The following PRKDC variants were observed in gnomAD, a reference collection of about 807,000 sequenced individuals.
The protein encoded by PRKDC is DNA-dependent protein kinase catalytic subunit.
A neutral mutation model predicts 486.9 loss-of-function variants in PRKDC; 82 were observed. The ratio of observed to expected loss-of-function variants is 0.17; its 90% CI spans 0.14 to 0.20. The LOEUF (loss-of-function observed/expected upper bound fraction) is 0.20, where lower values mean the gene tolerates loss of function less well. Ranked by LOEUF, PRKDC falls within the 10% of genes least tolerant of loss-of-function variation. The pLI, the probability that PRKDC is intolerant of heterozygous loss-of-function variation, is 1.00. For synonymous variants in PRKDC, 1,895 were observed against 1,837.0 expected, an observed-to-expected ratio of 1.03 and a Z score of -0.81; for missense variants, 4,504 against 5,038.2, an observed-to-expected ratio of 0.89 and a Z score of 3.21.
chr8:47,797,447 G>A (rs140295528), intron 73 of PRKDC, among the ~76,000 whole-genome samples: 1 of 152,110 alleles, frequency 6.6e-6, no homozygotes, highest in Admixed American at 6.6e-5. Flanking sequence ...AGTGGTTAGG[G>A]CCCTAAAAGT....
At chr8:47,835,021 T>C (rs2154499646) in intron 58 of PRKDC, among the ~76,000 whole-genome samples, 2 of 152,252 alleles carry the variant, frequency 1.3e-5, no homozygotes, top group Non-Finnish European at 2.9e-5. Flanking sequence ...TCACAGAATT[T>C]CAATTGTGAT....
At chr8:47,910,705 CAG>C (rs1243897570) in intron 25 of PRKDC, among the ~76,000 whole-genome samples, 2 of 152,090 alleles carry the variant, frequency 1.3e-5, no homozygotes, top group African/African-American at 2.4e-5. Flanking sequence ...GGAATTACAC[CAG>C]AGTTATCAAT....
intron 69 of PRKDC, 111 bp from the exon 70 acceptor site, chr8:47,803,591 G>A (rs1030996125): frequency 2.2e-6 from 2 of 916,064 alleles, no homozygotes; most frequent in South Asian, 1.5e-5. Context: ...TTAGAGTAGC[G>A]AATCCATTTC....
chr8:47,913,836 C>T, intron 24 of PRKDC, 65 bp downstream of exon 24: 1 of 1,416,428 alleles, frequency 7.1e-7, no homozygotes, highest in Non-Finnish European at 9.4e-7. Flanking sequence ...TCTCTATATC[C>T]TAAGCAATAT....
At chr8:47,904,822 A>T in intron 26 of PRKDC, 47 bp downstream of exon 26, 1 of 1,334,336 alleles carries the variant, frequency 7.5e-7, no homozygotes, top group Non-Finnish European at 1.1e-6. Flanking sequence ...AACATCAAAT[A>T]CAACTAATCG....
chr8:47,885,796 G>T, intron 36 of PRKDC, 148 bp downstream of exon 36: 1 of 720,200 alleles, frequency 1.4e-6, no homozygotes, highest in Non-Finnish European at 2.2e-6. Context: ...GGAGGCTGAG[G>T]CAGGAGAATC....
chr8:47,818,892 G>A (rs555585099), intron 67 of PRKDC, among the ~76,000 whole-genome samples: 1 of 152,248 alleles, frequency 6.6e-6, no homozygotes, highest in Non-Finnish European at 1.5e-5. Flanking sequence ...GCCTCCCATA[G>A]GCACTGGGAT....
intron 21 of PRKDC, among the ~76,000 whole-genome samples, chr8:47,925,135 T>C (rs1411040374): frequency 6.6e-6 from 1 of 152,076 alleles, no homozygotes; most frequent in Non-Finnish European, 1.5e-5. Context: ...GCATCTACCT[T>C]CCTCTGTACC....
chr8:47,920,556 T>C (rs1287378519), intron 21 of PRKDC, among the ~76,000 whole-genome samples: 1 of 152,230 alleles, frequency 6.6e-6, no homozygotes, highest in Non-Finnish European at 1.5e-5. Flanking sequence ...GAACTAACAG[T>C]GTTTTAAATG....
In PRKDC at chr8:47,889,068, G is replaced by A. The variant is rs376814572; in HGVS notation, c.4226C>T (p.Ser1409Phe). The change falls in exon 33 of 86, where the codon TCC becomes TTC. Residue 1409 changes from serine to phenylalanine, a missense_variant. Ser to Phe is a radical substitution (Grantham distance 155, BLOSUM62 -2). Around this residue, in one of 6 missense-constraint regions of PRKDC, gnomAD observed 1,969 missense variants for 2,068.9 expected, o/e 0.95. Coordinates refer to ENST00000314191, the MANE Select transcript of PRKDC (RefSeq NM_006904.7). ...CVNLMKALKM[S>F]PYKDILETHL... ...GGTCTCTAGGATATCTTTGTATGGG[G>A]ACATCTTTAGAGCTTTCATCAGATT... 4.2e-5 allele frequency: 68 copies of A among 1,613,816 alleles called. No individual in the cohort carries two copies. In the African/African-American group the frequency reaches 8.7e-4, roughly 21 times the overall value.
chr8:47,817,662 A>T, intron 67 of PRKDC, 101 bp from the exon 68 acceptor site: 1 of 703,718 alleles, frequency 1.4e-6, no homozygotes, highest in Non-Finnish European at 2.3e-6. Flanking sequence ...TTCCTGCCCA[A>T]ATTACAAAAA....
Position 47,834,189 on chromosome 8 carries a change from A to T in PRKDC, c.8152+7T>A, listed in dbSNP as rs749464129. ...CTATTTTAAGCACACTCAGCAACCC[A>T]GCTTACCTTTCACTTTGTTATCCAC... is the stretch of plus-strand genomic sequence containing the variant. On this transcript the variant is annotated splice_region_variant and intron_variant, in intron 59 of 85. Coordinates refer to ENST00000314191, the MANE Select transcript of PRKDC (RefSeq NM_006904.7). 24 of 1,613,886 alleles carry T rather than the reference A, an allele frequency of 1.5e-5. No individual in the cohort carries two copies. The highest frequency in any genetic ancestry group is 1.9e-5 in the Non-Finnish European group (22 of 1,179,884).
At chr8:47,812,382 C>T (rs1024205606) in intron 68 of PRKDC, among the ~76,000 whole-genome samples, 2 of 152,080 alleles carry the variant, frequency 1.3e-5, no homozygotes, top group Non-Finnish European at 2.9e-5. Flanking sequence ...TATGTTGGCA[C>T]ATAAAAGAAG....
At chr8:47,832,562 A>G (rs2087910864) in intron 59 of PRKDC, among the ~76,000 whole-genome samples, 1 of 152,266 alleles carries the variant, frequency 6.6e-6, no homozygotes. Context: ...AAGCTCATGG[A>G]AACTGAAACG....
chr8:47,943,445 G>A lies in PRKDC; in HGVS notation c.809-79C>T, dbSNP rs2090479612. On this transcript the variant is annotated intron_variant, in intron 9 of 85. Transcript: ENST00000314191. ...AAAACCAACAAACCTGCAGGGATAT[G>A]TCAAAGTCAACACTGTGCTCAGGAA... 9.2e-6 allele frequency: 13 copies of A among 1,407,294 alleles called. No homozygotes were observed. The Middle Eastern group carries it at 9.1e-4, about 99-fold the overall frequency. 87.2% of individuals were successfully genotyped at this position (1,407,294 alleles called of 1,614,324 possible).
intron 70 of PRKDC, among the ~76,000 whole-genome samples, chr8:47,801,223 C>A (rs1019758493): frequency 6.6e-6 from 1 of 152,114 alleles, no homozygotes; most frequent in African/African-American, 2.4e-5. Flanking sequence ...AGGCTTGCAC[C>A]ACCATGCCCG....
At chr8:47,847,364 C>A (rs1184627688) in intron 54 of PRKDC, among the ~76,000 whole-genome samples, 1 of 152,158 alleles carries the variant, frequency 6.6e-6, no homozygotes, top group Non-Finnish European at 1.5e-5. Context: ...GCCGAACCAT[C>A]TGATCTTTGA....
chr8:47,927,626 A>G (rs1295566912), intron 20 of PRKDC, 145 bp downstream of exon 20: 2 of 1,113,796 alleles, frequency 1.8e-6, no homozygotes, highest in Admixed American at 6.7e-5. Flanking sequence ...TCCCAAAGCC[A>G]GTAAGTGGCA....
At position 47,836,580 on chromosome 8, in the gene PRKDC, C is replaced by CT. The variant is rs869228904; in HGVS notation, c.7762-54dup. The CT allele has an allele frequency of 5.6e-6, 8 of 1,434,572 alleles. No homozygotes were observed. In the African/African-American group the frequency reaches 9.9e-5, roughly 18 times the overall value. The allele number at this position is 1,434,572 out of a possible 1,614,324, so 88.9% of individuals were successfully genotyped here. On this transcript the variant is annotated intron_variant, in intron 57 of 85. Coordinates refer to ENST00000314191, the MANE Select transcript of PRKDC (RefSeq NM_006904.7). ...TAAAGTTTCAAATGAAATAATGCTC[C>CT]TTTTTTAGGAACACTGATATATTTC...
Sources: gnomAD v4.1 joint callset for allele counts (sites outside exome capture counted in the v4.1 genomes callset) on GRCh38, gnomAD v4.1.1 for gene constraint, gnomAD v4.1.1 regional missense constraint, MANE v1.5 for transcripts, NCBI Gene and HGNC (gene_info 2026-07-23, HGNC 2026-07-21) for gene names.